RPTOR: variants seen among roughly 807,000 people sequenced by gnomAD.
RPTOR encodes regulatory-associated protein of mTOR.
Under a neutral mutation model 169.9 loss-of-function variants are expected in RPTOR, and 21 were observed. The observed-to-expected ratio is 0.12, with a 90% CI of 0.09 to 0.18. RPTOR has a LOEUF of 0.18. Ranked by LOEUF, RPTOR falls within the 10% of genes least tolerant of loss-of-function variation. RPTOR has a pLI of 1.00. For missense variants in RPTOR, 1,133 were observed against 1,855.9 expected (o/e 0.61, Z 7.16); for synonymous variants, 732 against 753.2 (o/e 0.97, Z 0.46).
chr17:80,775,143 T>C (rs1273066572), intron 6 of RPTOR, among the ~76,000 whole-genome samples: 2 of 152,236 alleles, frequency 1.3e-5, no homozygotes, highest in Non-Finnish European at 2.9e-5. Flanking sequence ...ACCTGTTTCC[T>C]GCAGTGGAGA....
intron 21 of RPTOR, among the ~76,000 whole-genome samples, chr17:80,914,873 A>G (rs1227716419): frequency 6.6e-6 from 1 of 152,250 alleles, no homozygotes; most frequent in African/African-American, 2.4e-5. Context: ...GCCACCTTCA[A>G]GCCAGGGACA....
chr17:80,677,137 A>G (rs937245283), intron 3 of RPTOR, among the ~76,000 whole-genome samples: 1 of 152,168 alleles, frequency 6.6e-6, no homozygotes, highest in Non-Finnish European at 1.5e-5. Flanking sequence ...TCTTATTGTG[A>G]TAAGAAAAAT....
chr17:80,764,251 T>C (rs1357757275), intron 6 of RPTOR, among the ~76,000 whole-genome samples: 1 of 151,094 alleles, frequency 6.6e-6, no homozygotes, highest in Admixed American at 6.6e-5. Flanking sequence ...CATGCTGGTG[T>C]GCTGCACCCA....
intron 24 of RPTOR, among the ~76,000 whole-genome samples, chr17:80,939,256 G>A (rs192666822): frequency 7.2e-5 from 11 of 152,276 alleles, no homozygotes; most frequent in South Asian, 6.2e-4. Context: ...CCATCCTCCC[G>A]CGGAAAGTCA....
At chr17:80,834,430 A>T (rs567122187) in intron 9 of RPTOR, among the ~76,000 whole-genome samples, 14 of 152,116 alleles carry the variant, frequency 9.2e-5, no homozygotes, top group Non-Finnish European at 2.1e-4. Flanking sequence ...GCCGAGCCAC[A>T]GCCCTTCCTC....
intron 24 of RPTOR, among the ~76,000 whole-genome samples, chr17:80,939,932 A>G (rs898769539): frequency 5.9e-5 from 9 of 152,108 alleles, no homozygotes; most frequent in South Asian, 2.1e-4. Context: ...CACTCACTCA[A>G]GGGTCTCAGA....
At position 80,651,133 on chromosome 17, in the gene RPTOR, A is replaced by G. The variant is rs939969398; in HGVS notation, c.348+7323A>G. ...TTCCTGAGTTAACTTGGGGACCGTG[A>G]TACAGAGCGATGCGGAGATGGCTCT... On this transcript the variant is annotated intron_variant, in intron 3 of 33. Coordinates refer to ENST00000306801, the MANE Select transcript of RPTOR (RefSeq NM_020761.3). This position sits in a 1 kb window ranked among gnomAD's most constrained non-coding sequence, Gnocchi z 4.1. Among the ~76,000 whole-genome samples the G allele has an allele frequency of 2.0e-5, 3 of 152,178 alleles. No individual in the cohort carries two copies. Among genetic ancestry groups the G allele is most frequent in the Admixed American group, 6.5e-5 (1 of 15,284 alleles).
chr17:80,708,629 T>C lies in RPTOR; in HGVS notation c.507+630T>C, dbSNP rs117559611. Among the ~76,000 whole-genome samples the C allele has an allele frequency of 0.1, 10,775 of 103,438 alleles. 735 individuals are homozygous for C. Among genetic ancestry groups the C allele is most frequent in the African/African-American group, 0.26 (4,363 of 17,096 alleles). 67.9% of individuals were successfully genotyped at this position (103,438 alleles called of 152,430 possible). ...GGTGTGGTGGGTGCTGACTGTCTCCTCATCCTCCAGGGTGTGGTGGGTGCT... is the reference window on the plus strand; with the variant it reads ...GGTGTGGTGGGTGCTGACTGTCTCCCCATCCTCCAGGGTGTGGTGGGTGCT... On this transcript the variant is annotated intron_variant, in intron 4 of 33. Coordinates refer to ENST00000306801, the MANE Select transcript of RPTOR (RefSeq NM_020761.3). The surrounding 1 kb of genome is among the most constrained non-coding windows in gnomAD (Gnocchi z 4.2).
intron 20 of RPTOR, among the ~76,000 whole-genome samples, chr17:80,906,404 G>C (rs552817793): frequency 6.6e-6 from 1 of 152,304 alleles, no homozygotes; most frequent in East Asian, 1.9e-4. Flanking sequence ...GAGCTGGAAG[G>C]CTTCGGTTCT....
intron 3 of RPTOR, among the ~76,000 whole-genome samples, chr17:80,675,656 G>A (rs934382211): frequency 2.6e-5 from 4 of 152,134 alleles, no homozygotes; most frequent in Non-Finnish European, 4.4e-5. Context: ...GCTCAGGCCC[G>A]CGGAACCCGG....
At chr17:80,680,476 A>G (rs2065890333) in intron 3 of RPTOR, among the ~76,000 whole-genome samples, 1 of 152,178 alleles carries the variant, frequency 6.6e-6, no homozygotes, top group Non-Finnish European at 1.5e-5. Flanking sequence ...TTTACTAAAA[A>G]TACAAAATTA....
intron 21 of RPTOR, among the ~76,000 whole-genome samples, chr17:80,920,043 CCT>C (rs1396745937): frequency 6.6e-6 from 1 of 152,216 alleles, no homozygotes; most frequent in Non-Finnish European, 1.5e-5. Flanking sequence ...ATTGCCGTGC[CCT>C]CTCTGTTCAC....
intron 8 of RPTOR, 85 bp from the exon 9 acceptor site, chr17:80,822,994 T>C (rs554452073): frequency 4.3e-5 from 64 of 1,481,526 alleles, no homozygotes; most frequent in Non-Finnish European, 5.1e-5. Context: ...TTAGTAATTT[T>C]TGATAGAAGT....
intron 21 of RPTOR, among the ~76,000 whole-genome samples, chr17:80,917,554 T>A (rs1205550007): frequency 6.6e-6 from 1 of 152,250 alleles, no homozygotes; most frequent in East Asian, 1.9e-4. Flanking sequence ...CGTAAGGATT[T>A]CTTAATTCAG....
At chr17:80,883,126 C>T (rs189975729) in intron 14 of RPTOR, among the ~76,000 whole-genome samples, 4 of 152,322 alleles carry the variant, frequency 2.6e-5, no homozygotes, top group South Asian at 2.1e-4. Context: ...CCGACAGCCA[C>T]GGCTGGCCTG....
chr17:80,687,360 C>T (rs1199032207), intron 3 of RPTOR, among the ~76,000 whole-genome samples: 1 of 152,266 alleles, frequency 6.6e-6, no homozygotes, highest in Non-Finnish European at 1.5e-5. Context: ...CAGTCCCACT[C>T]AGCCCATGTT....
intron 3 of RPTOR, among the ~76,000 whole-genome samples, chr17:80,683,352 C>T (rs1041687501): frequency 2.0e-5 from 3 of 152,202 alleles, no homozygotes; most frequent in Non-Finnish European, 4.4e-5. Flanking sequence ...AGAAGTGATA[C>T]TGGGGCTTCC....
rs559787226 is a variant in RPTOR at position 80,908,478 on chromosome 17, A to G, written c.2402-333A>G. Among the ~76,000 whole-genome samples, 127 of 152,292 alleles carry G rather than the reference A, an allele frequency of 8.3e-4. 1 individual carries two copies. The highest frequency in any genetic ancestry group is 3.4e-3 in the Middle Eastern group (1 of 292). On this transcript the variant is annotated intron_variant, in intron 20 of 33. Transcript: ENST00000306801. ...GGGCTGCGGCAGCTCCTAGAAATCT[A>G]GGATGTGACATCAGACGCTCCTCCG...
intron 1 of RPTOR, among the ~76,000 whole-genome samples, chr17:80,591,212 C>T (rs539387464): frequency 1.2e-3 from 2 of 1,642 alleles, no homozygotes; most frequent in African/African-American, 3.1e-3. Context: ...ATCTCCTCCC[C>T]TCTCCTCCCC....
Sources: gnomAD v4.1 joint callset for allele counts (sites outside exome capture counted in the v4.1 genomes callset) on GRCh38, gnomAD v4.1.1 for gene constraint, Gnocchi (gnomAD v3.1) non-coding constraint, MANE v1.5 for transcripts, NCBI Gene and HGNC (gene_info 2026-07-23, HGNC 2026-07-21) for gene names.